Variants in NELL1 observed in about 807,000 individuals in gnomAD.
The protein encoded by NELL1 is neural EGFL like 1.
In NELL1, 76 loss-of-function variants were observed where a neutral mutation model predicts 107.4. The ratio of observed to expected loss-of-function variants is 0.71; its 90% CI spans 0.59 to 0.86. The LOEUF (loss-of-function observed/expected upper bound fraction) is 0.86. NELL1 is among the 40% of genes least tolerant of loss of function. The pLI is 0.00. For synonymous variants in NELL1, 353 were observed against 341.2 expected, an observed-to-expected ratio of 1.03 and a Z score of -0.38; for missense variants, 1,024 against 1,005.5, an observed-to-expected ratio of 1.02 and a Z score of -0.25.
At chr11:21,071,363 G>A (rs1213394881) in intron 12 of NELL1, among the ~76,000 whole-genome samples, 1 of 152,180 alleles carries the variant, frequency 6.6e-6, no homozygotes, top group Non-Finnish European at 1.5e-5. Flanking sequence ...TGCATCTTAA[G>A]CAGTTGGCAA....
intron 15 of NELL1, among the ~76,000 whole-genome samples, chr11:21,384,656 T>G (rs1054734340): frequency 6.6e-6 from 1 of 151,800 alleles, no homozygotes; most frequent in South Asian, 2.1e-4. Context: ...TCCTTGTGTT[T>G]TCATTGTTCA....
At chr11:21,277,772 C>G (rs1170040186) in intron 14 of NELL1, among the ~76,000 whole-genome samples, 1 of 152,118 alleles carries the variant, frequency 6.6e-6, no homozygotes, top group Non-Finnish European at 1.5e-5. Flanking sequence ...AGCTGGAAAC[C>G]ATCATCCTCA....
chr11:20,862,605 C>CT (rs386373288), intron 4 of NELL1, among the ~76,000 whole-genome samples: 8,159 of 94,640 alleles, frequency 0.086, 647 homozygotes, highest in East Asian at 0.13. Context: ...TGAGCTGCTG[C>CT]TTTTTTTTTT....
At chr11:21,382,409 T>A (rs1291956869) in intron 15 of NELL1, among the ~76,000 whole-genome samples, 1 of 151,960 alleles carries the variant, frequency 6.6e-6, no homozygotes, top group Non-Finnish European at 1.5e-5. Flanking sequence ...TATATCTTGT[T>A]ACATTACATT....
At chr11:21,465,452 A>C (rs1474258369) in intron 15 of NELL1, among the ~76,000 whole-genome samples, 2 of 152,040 alleles carry the variant, frequency 1.3e-5, no homozygotes, top group Non-Finnish European at 2.9e-5. Flanking sequence ...TTTGGTGTGA[A>C]GTTCTCTAAT....
intron 5 of NELL1, among the ~76,000 whole-genome samples, chr11:20,913,643 C>T (rs1225485071): frequency 6.6e-6 from 1 of 151,852 alleles, no homozygotes; most frequent in Non-Finnish European, 1.5e-5. Flanking sequence ...GCAGGAGGTA[C>T]AGGGTGGCAA....
At chr11:20,854,326 C>T (rs1280517407) in intron 4 of NELL1, among the ~76,000 whole-genome samples, 1 of 152,140 alleles carries the variant, frequency 6.6e-6, no homozygotes, top group Admixed American at 6.5e-5. Context: ...ACTTTTAAGT[C>T]TTCTTCCACC....
At chr11:21,230,322 G>C (rs1228674114) in intron 14 of NELL1, among the ~76,000 whole-genome samples, 5 of 151,856 alleles carry the variant, frequency 3.3e-5, no homozygotes, top group Admixed American at 6.6e-5. Flanking sequence ...ACTGTCCCTG[G>C]TGTTTAGATA....
chr11:21,370,034 G>A (rs1851322273), intron 14 of NELL1, among the ~76,000 whole-genome samples: 1 of 152,026 alleles, frequency 6.6e-6, no homozygotes. Flanking sequence ...GATAAAGCAG[G>A]GGATGGTAAT....
At position 21,229,356 on chromosome 11, in the gene NELL1, A is replaced by G; in HGVS notation, c.1451A>G (p.Gln484Arg). The G allele has an allele frequency of 1.2e-6, 2 of 1,613,990 alleles. No homozygotes were observed. The highest frequency in any genetic ancestry group is 1.1e-5 in the South Asian group (1 of 91,080). Residue 484 changes from glutamine (Q) to arginine (R), a missense_variant, in exon 14 of 20, where the codon CAG (glutamine) becomes CGG (arginine). Physicochemically the swap from Gln to Arg is conservative, Grantham distance 43. Coordinates refer to ENST00000357134, the MANE Select transcript of NELL1 (RefSeq NM_006157.5). The part of the protein sequence containing the change: ...CTEHDECGSG[Q>R]HNCDENAICT... ...GAACACGATGAATGTGGCAGCGGCC[A>G]GCACAACTGTGATGAGAATGCCATC...
intron 14 of NELL1, among the ~76,000 whole-genome samples, chr11:21,366,195 C>T (rs1044452116): frequency 6.6e-6 from 1 of 152,078 alleles, no homozygotes; most frequent in Non-Finnish European, 1.5e-5. Context: ...TGTTTGTAAA[C>T]TGAGCTGGCT....
intron 18 of NELL1, among the ~76,000 whole-genome samples, chr11:21,571,842 G>A (rs1296195766): frequency 2.0e-5 from 3 of 151,834 alleles, no homozygotes; most frequent in African/African-American, 7.2e-5. Context: ...AACATTCTGA[G>A]TTGATTGGTA....
intron 15 of NELL1, among the ~76,000 whole-genome samples, chr11:21,490,865 A>T (rs1002610672): frequency 6.6e-6 from 1 of 152,114 alleles, no homozygotes; most frequent in Non-Finnish European, 1.5e-5. Context: ...AACATAAGGA[A>T]AACACATCAA....
intron 14 of NELL1, among the ~76,000 whole-genome samples, chr11:21,256,307 A>G (rs763283591): frequency 5.9e-5 from 9 of 152,030 alleles, no homozygotes; most frequent in Non-Finnish European, 4.4e-5. Flanking sequence ...GGGCAACTTG[A>G]CTTGAGCACA....
intron 14 of NELL1, among the ~76,000 whole-genome samples, chr11:21,245,259 G>A (rs1211114316): frequency 1.3e-5 from 2 of 152,118 alleles, no homozygotes; most frequent in East Asian, 3.9e-4. Context: ...GTGGTTAAAT[G>A]CATGAGGCTT....
chr11:21,409,132 G>T (rs1474100173), intron 15 of NELL1, among the ~76,000 whole-genome samples: 3 of 152,038 alleles, frequency 2.0e-5, no homozygotes, highest in Admixed American at 6.6e-5. Context: ...ACATGCACAC[G>T]TATGTTTATT....
At chr11:20,843,571 A>G (rs1459256087) in intron 3 of NELL1, among the ~76,000 whole-genome samples, 1 of 146,746 alleles carries the variant, frequency 6.8e-6, no homozygotes. Flanking sequence ...TATATATAAA[A>G]TATAATATAT....
chr11:20,879,846 T>A (rs148519908), intron 4 of NELL1, among the ~76,000 whole-genome samples: 29 of 152,242 alleles, frequency 1.9e-4, no homozygotes, highest in African/African-American at 6.7e-4. Context: ...CAAAAAGAGT[T>A]AAAGAAAGCT....
intron 14 of NELL1, among the ~76,000 whole-genome samples, chr11:21,349,975 G>A (rs1850767565): frequency 1.3e-5 from 2 of 151,938 alleles, no homozygotes; most frequent in Admixed American, 1.3e-4. Flanking sequence ...TTAAGACTTA[G>A]ACCTTTTACT....
Sources: gnomAD v4.1 joint callset for allele counts (sites outside exome capture counted in the v4.1 genomes callset) on GRCh38, gnomAD v4.1.1 for gene constraint, MANE v1.5 for transcripts, NCBI Gene and HGNC (gene_info 2026-07-23, HGNC 2026-07-21) for gene names.